The following SLC66A2 variants were observed in gnomAD, a reference collection of about 807,000 sequenced individuals.
SLC66A2 encodes solute carrier family 66 member 2.
Under a neutral mutation model 25.5 loss-of-function variants are expected in SLC66A2, and 23 were observed. The observed-to-expected ratio is 0.90, with a 90% CI of 0.65 to 1.28. SLC66A2 has a LOEUF of 1.28. Among genes scored for constraint, SLC66A2 ranks in the 50% most tolerant of loss-of-function variants. SLC66A2 has a pLI of 0.00. For synonymous variants in SLC66A2, 193 were observed against 166.5 expected (o/e 1.16, Z -1.23); for missense variants, 396 against 373.1 (o/e 1.06, Z -0.51).
intron 5 of SLC66A2, among the ~76,000 whole-genome samples, chr18:79,916,159 G>GTACCCGCGGTGCTCTCA (rs1984064534): frequency 1.9e-5 from 1 of 52,668 alleles, no homozygotes; most frequent in Non-Finnish European, 3.9e-5. Flanking sequence ...CGGCGCTCTC[G>GTACCCGCGGTGCTCTCA]TACCCGCAGT....
rs186346755 is a variant in SLC66A2 at position 79,948,589 on chromosome 18, C to A, written c.203+2135G>T. 1.1e-3 allele frequency among the ~76,000 whole-genome samples: 165 copies of A among 152,264 alleles called. 1 individual carries two copies. Among genetic ancestry groups the A allele is most frequent in the Middle Eastern group, 0.01 (3 of 294 alleles). ...CTCCTGGCCTCAAGTGATCCTCCCA[C>A]CCCGGCCTCCAAAAGTGCTGGAATT... On this transcript the variant is annotated intron_variant, in intron 2 of 5. Coordinates refer to ENST00000397778, the MANE Select transcript of SLC66A2 (RefSeq NM_025078.5).
chr18:79,936,440 G>C (rs1467939075), intron 3 of SLC66A2, among the ~76,000 whole-genome samples: 1 of 152,162 alleles, frequency 6.6e-6, no homozygotes, highest in Non-Finnish European at 1.5e-5. Flanking sequence ...ATGGTTTTTA[G>C]GATATCCACA....
intron 5 of SLC66A2, among the ~76,000 whole-genome samples, chr18:79,914,973 C>T (rs150778939): frequency 9.8e-5 from 15 of 152,360 alleles, no homozygotes; most frequent in East Asian, 7.7e-4. Flanking sequence ...CAAGGTGAAA[C>T]GCGGCGTCAG....
chr18:79,934,974 C>G (rs1172284109), intron 3 of SLC66A2, among the ~76,000 whole-genome samples: 1 of 152,132 alleles, frequency 6.6e-6, no homozygotes, highest in Non-Finnish European at 1.5e-5. Flanking sequence ...TTTTATAAAC[C>G]AATGCAGCAT....
chr18:79,903,934 G>T lies in SLC66A2; in HGVS notation c.*42C>A. On this transcript the variant is annotated 3_prime_UTR_variant, in exon 6 of 6. Coordinates refer to ENST00000397778, the MANE Select transcript of SLC66A2 (RefSeq NM_025078.5). Reference sequence around the variant, plus strand: ...CCCGCGGGGAGGTCAGGGCCCACCAGTGCCCGCGGCTGGCGGTCCCACATC... The same window carrying T: ...CCCGCGGGGAGGTCAGGGCCCACCATTGCCCGCGGCTGGCGGTCCCACATC... The T allele has an allele frequency of 1.9e-6, 3 of 1,548,026 alleles. No homozygotes were observed. Among genetic ancestry groups the T allele is most frequent in the Admixed American group, 2.0e-5 (1 of 50,610 alleles).
Position 79,917,801 on chromosome 18 carries a change from C to A in SLC66A2, c.608+1383G>T, listed in dbSNP as rs1391906418. ...CTGGTCTTGATTCACTGTAATCACACCAACCAGGGCAGCCCAATCCCCACC... is the reference window on the plus strand; with the variant it reads ...CTGGTCTTGATTCACTGTAATCACAACAACCAGGGCAGCCCAATCCCCACC... On this transcript the variant is annotated intron_variant, in intron 5 of 5. Transcript: ENST00000397778. This position sits in a 1 kb window ranked among gnomAD's most constrained non-coding sequence, Gnocchi z 6.0. Among the ~76,000 whole-genome samples the A allele has an allele frequency of 6.6e-6, 1 of 151,876 alleles. No homozygotes were observed. The highest frequency in any genetic ancestry group is 1.5e-5 in the Non-Finnish European group (1 of 67,938).
chr18:79,948,541 G>T (rs972385406), intron 2 of SLC66A2, among the ~76,000 whole-genome samples: 4 of 152,116 alleles, frequency 2.6e-5, no homozygotes, highest in African/African-American at 9.7e-5. Context: ...GTGTCTTGCT[G>T]TGTTGCGTTG....
At chr18:79,929,919 A>T (rs1281284867) in intron 4 of SLC66A2, among the ~76,000 whole-genome samples, 1 of 152,162 alleles carries the variant, frequency 6.6e-6, no homozygotes, top group Non-Finnish European at 1.5e-5. Flanking sequence ...ACAAACAGAA[A>T]ACAGAATTAA....
chr18:79,951,243 G>A (rs1048475398), intron 1 of SLC66A2, among the ~76,000 whole-genome samples: 5 of 151,726 alleles, frequency 3.3e-5, no homozygotes, highest in African/African-American at 4.8e-5. Flanking sequence ...CGCCGGGGTC[G>A]AGGACGGGCG....
intron 5 of SLC66A2, among the ~76,000 whole-genome samples, chr18:79,907,674 G>C (rs181164652): frequency 2.5e-4 from 38 of 151,994 alleles, no homozygotes; most frequent in Non-Finnish European, 1.5e-4. Context: ...TAGTGCTCTA[G>C]GGCATTGGTT....
At chr18:79,922,430 A>G (rs1396164155) in intron 4 of SLC66A2, among the ~76,000 whole-genome samples, 1 of 152,048 alleles carries the variant, frequency 6.6e-6, no homozygotes, top group Non-Finnish European at 1.5e-5. Context: ...TGTTCCTCAG[A>G]TGTTACCAGG....
intron 2 of SLC66A2, chr18:79,943,795 G>A (rs1412609067): frequency 1.6e-5 from 4 of 254,686 alleles, no homozygotes; most frequent in Non-Finnish European, 3.0e-5. Context: ...GAAAGATCCT[G>A]TGTCGGGAGG....
chr18:79,933,092 T>TA (rs1986730856), intron 4 of SLC66A2, among the ~76,000 whole-genome samples: 1 of 152,198 alleles, frequency 6.6e-6, no homozygotes, highest in Non-Finnish European at 1.5e-5. Context: ...TAAAAAGTGT[T>TA]AGACACCATG....
intron 4 of SLC66A2, among the ~76,000 whole-genome samples, chr18:79,928,051 C>T (rs139383824): frequency 7.2e-5 from 11 of 152,286 alleles, no homozygotes; most frequent in East Asian, 1.9e-4. Context: ...GGGCACCCAA[C>T]GGTGGACAGG....
chr18:79,909,343 T>C (rs1362538658), intron 5 of SLC66A2, among the ~76,000 whole-genome samples: 1 of 152,164 alleles, frequency 6.6e-6, no homozygotes, highest in Non-Finnish European at 1.5e-5. Context: ...GCCAGATCTA[T>C]GCATGTGTAG....
chr18:79,933,663 T>C lies in SLC66A2; in HGVS notation c.391+306A>G, dbSNP rs780772400. 1.7e-4 allele frequency among the ~76,000 whole-genome samples: 26 copies of C among 152,356 alleles called. No homozygotes were observed. The Middle Eastern group carries it at 0.01, about 60-fold the overall frequency. On this transcript the variant is annotated intron_variant, in intron 4 of 5. Coordinates refer to ENST00000397778, the MANE Select transcript of SLC66A2 (RefSeq NM_025078.5). ...TAGCATCAAAAAGGATAAAATACTT[T>C]GGAATAAATTTAACAAAGTCCAAAA...
At position 79,903,846 on chromosome 18, in the gene SLC66A2, T is replaced by C; in HGVS notation, c.*130A>G. The C allele has an allele frequency of 1.3e-6, 1 of 762,982 alleles. No homozygotes were observed. The highest frequency in any genetic ancestry group is 2.1e-6 in the Non-Finnish European group (1 of 482,634). 47.3% of individuals were successfully genotyped at this position (762,982 alleles called of 1,614,324 possible). A position where few individuals can be genotyped will look rare whatever the true frequency, so the allele number is the denominator to read the frequency against. On this transcript the variant is annotated 3_prime_UTR_variant, in exon 6 of 6. Coordinates refer to ENST00000397778, the MANE Select transcript of SLC66A2 (RefSeq NM_025078.5). ...CCCTGAGACACCCCACAGAGGCTGA[T>C]GGAGACCCCAATGCCCATGCCCCAT...
intron 5 of SLC66A2, among the ~76,000 whole-genome samples, chr18:79,905,018 C>A (rs1209881547): frequency 6.6e-6 from 1 of 152,184 alleles, no homozygotes; most frequent in African/African-American, 2.4e-5. Context: ...GGTGCCGTAG[C>A]CGCCCTGTGT....
intron 5 of SLC66A2, among the ~76,000 whole-genome samples, chr18:79,909,860 CAT>C (rs1373465085): frequency 2.4e-5 from 3 of 125,962 alleles, no homozygotes. Context: ...GCTTCCCCAC[CAT>C]CTCACCACAG....
Sources: allele counts gnomAD v4.1 joint callset (sites outside exome capture counted in the v4.1 genomes callset), GRCh38; gene constraint gnomAD v4.1.1; non-coding constraint Gnocchi (gnomAD v3.1); transcripts MANE v1.5; gene names NCBI Gene and HGNC (gene_info 2026-07-23, HGNC 2026-07-21).